NMNAT3: variants seen among roughly 807,000 people sequenced by gnomAD.
The protein encoded by NMNAT3 is nicotinamide/nicotinic acid mononucleotide adenylyltransferase 3.
Under a neutral mutation model 24.8 loss-of-function variants are expected in NMNAT3, and 21 were observed. The observed-to-expected ratio is 0.85, with a 90% CI of 0.60 to 1.22. The LOEUF (loss-of-function observed/expected upper bound fraction) is 1.22. NMNAT3 is among the 50% of genes most tolerant of loss of function. NMNAT3 has a pLI of 0.00. For synonymous variants in NMNAT3, 136 were observed against 155.2 expected (o/e 0.88, Z 0.92); for missense variants, 387 against 436.6 (o/e 0.89, Z 1.01).
At chr3:139,656,838 A>T (rs1175339340) in intron 1 of NMNAT3, among the ~76,000 whole-genome samples, 1 of 152,070 alleles carries the variant, frequency 6.6e-6, no homozygotes, top group Admixed American at 6.6e-5. Context: ...GAAAACAGGA[A>T]TTCCAAATCT....
chr3:139,622,576 T>C (rs7374976), intron 3 of NMNAT3, among the ~76,000 whole-genome samples: 47,752 of 149,816 alleles, frequency 0.32, 7,834 homozygotes, highest in Admixed American at 0.43. Context: ...TTACTAAAAA[T>C]ACAAAAAAAT....
chr3:139,576,090 A>G (rs1462909294), intron 5 of NMNAT3: 3 of 1,274,652 alleles, frequency 2.4e-6, no homozygotes, highest in Non-Finnish European at 3.1e-6. Context: ...GTGAATTTAC[A>G]TCATAGAGAT....
chr3:139,626,953 T>C (rs1315805202), intron 3 of NMNAT3, among the ~76,000 whole-genome samples: 3 of 152,034 alleles, frequency 2.0e-5, no homozygotes, highest in African/African-American at 7.2e-5. Context: ...TACAAGTAAA[T>C]AATTTCATAT....
rs571705674 is a variant in NMNAT3 at position 139,572,252 on chromosome 3, T to C, written c.658+1346A>G. The C allele has an allele frequency of 7.5e-6, 3 of 398,604 alleles. No individual in the cohort carries two copies. The East Asian group carries it at 1.1e-4, about 14-fold the overall frequency. The allele number at this position is 398,604 out of a possible 1,614,324, so 24.7% of individuals were successfully genotyped here. On this transcript the variant is annotated intron_variant, in intron 6 of 6. Transcript: ENST00000643695. ...AGAATACCTGCTGAGCCAGAGATGA[T>C]GCAGAAAGAAGGGAGAGGCTGATAA...
chr3:139,661,749 C>T (rs1191690716), intron 1 of NMNAT3, among the ~76,000 whole-genome samples: 1 of 152,114 alleles, frequency 6.6e-6, no homozygotes, highest in Non-Finnish European at 1.5e-5. Flanking sequence ...TATTGACATA[C>T]TTCTATATTT....
chr3:139,662,300 C>G (rs2057441188), intron 1 of NMNAT3, among the ~76,000 whole-genome samples: 1 of 152,108 alleles, frequency 6.6e-6, no homozygotes, highest in African/African-American at 2.4e-5. Context: ...GGTTCTGTCA[C>G]TGATGGGCTG....
At chr3:139,616,096 A>G (rs1234298324) in intron 3 of NMNAT3, among the ~76,000 whole-genome samples, 2 of 152,156 alleles carry the variant, frequency 1.3e-5, no homozygotes, top group African/African-American at 4.8e-5. Context: ...TGCATAGCCA[A>G]TCCAGTTGTC....
chr3:139,641,433 A>G (rs912380126), intron 1 of NMNAT3, among the ~76,000 whole-genome samples: 3 of 152,216 alleles, frequency 2.0e-5, no homozygotes, highest in Admixed American at 2.0e-4. Context: ...AGCATTTTCT[A>G]TAGTTGGAAC....
intron 1 of NMNAT3, among the ~76,000 whole-genome samples, chr3:139,674,873 C>T (rs1426969244): frequency 6.6e-6 from 1 of 152,118 alleles, no homozygotes; most frequent in Non-Finnish European, 1.5e-5. Flanking sequence ...ATGTTGTATA[C>T]TGAGGTCAGT....
intron 4 of NMNAT3, among the ~76,000 whole-genome samples, chr3:139,581,735 A>C (rs1271019793): frequency 1.3e-5 from 2 of 152,144 alleles, no homozygotes; most frequent in East Asian, 3.9e-4. Context: ...GCTGGATGAG[A>C]AAGATGATAA....
At chr3:139,618,694 T>C (rs1286512332) in intron 3 of NMNAT3, among the ~76,000 whole-genome samples, 1 of 152,192 alleles carries the variant, frequency 6.6e-6, no homozygotes, top group Non-Finnish European at 1.5e-5. Flanking sequence ...GGGACCAAAG[T>C]TTCATTCAGA....
chr3:139,669,767 A>G (rs541153520), intron 1 of NMNAT3, among the ~76,000 whole-genome samples: 12 of 152,360 alleles, frequency 7.9e-5, no homozygotes, highest in African/African-American at 2.6e-4. Flanking sequence ...CACTGGAGAT[A>G]TAATTATGGA....
chr3:139,598,449 C>A (rs151112109), intron 3 of NMNAT3, among the ~76,000 whole-genome samples: 1 of 152,206 alleles, frequency 6.6e-6, no homozygotes, highest in African/African-American at 2.4e-5. Flanking sequence ...CTAAAAAACG[C>A]CCAAACTAGC....
At chr3:139,582,190 CAAAAAAAAAAAA>C (rs756159164) in intron 4 of NMNAT3, among the ~76,000 whole-genome samples, 2 of 23,076 alleles carry the variant, frequency 8.7e-5, no homozygotes, top group East Asian at 1.4e-3. Flanking sequence ...GACTCCCTCT[CAAAAAAAAAAAA>C]AAAAAAAAAA....
At chr3:139,595,597 TG>T (rs1362838016) in intron 3 of NMNAT3, among the ~76,000 whole-genome samples, 9 of 152,224 alleles carry the variant, frequency 5.9e-5, no homozygotes, top group Non-Finnish European at 1.5e-5. Flanking sequence ...AGCATGGTAC[TG>T]GTACCAAAAC....
At chr3:139,562,349 C>A (rs211588) in intron 6 of NMNAT3, among the ~76,000 whole-genome samples, 3 of 152,004 alleles carry the variant, frequency 2.0e-5, no homozygotes, top group Admixed American at 2.0e-4. Flanking sequence ...GAGTTCCAGA[C>A]TGATTTTCCT....
chr3:139,566,213 G>GT (rs1312905173), intron 6 of NMNAT3: 4 of 152,000 alleles, frequency 2.6e-5, no homozygotes, highest in Admixed American at 1.3e-4. Context: ...GGAGTTGTTT[G>GT]TTTTTTTCTT....
chr3:139,596,962 A>ATTTT (rs1157925779), intron 3 of NMNAT3, among the ~76,000 whole-genome samples: 5 of 109,044 alleles, frequency 4.6e-5, no homozygotes, highest in Non-Finnish European at 7.5e-5. Context: ...ATATATATAT[A>ATTTT]TATTTTTATT....
chr3:139,581,541 A>G (rs2053615369), intron 4 of NMNAT3, among the ~76,000 whole-genome samples: 1 of 152,242 alleles, frequency 6.6e-6, no homozygotes, highest in African/African-American at 2.4e-5. Context: ...TACATGCTAC[A>G]ACAAAAATGA....
Sources: gnomAD v4.1 joint callset for allele counts (sites outside exome capture counted in the v4.1 genomes callset) on GRCh38, gnomAD v4.1.1 for gene constraint, MANE v1.5 for transcripts, NCBI Gene and HGNC (gene_info 2026-07-23, HGNC 2026-07-21) for gene names.